The following ACACA variants were observed in gnomAD, a reference collection of about 807,000 sequenced individuals.
ACACA encodes the protein acetyl-CoA carboxylase alpha.
A neutral mutation model predicts 296.1 loss-of-function variants in ACACA; 103 were observed. The ratio of observed to expected loss-of-function variants is 0.35; its 90% CI spans 0.30 to 0.41. The LOEUF (loss-of-function observed/expected upper bound fraction) is 0.41, where lower values mean the gene tolerates loss of function less well. Ranked by LOEUF, ACACA falls within the 10% of genes least tolerant of loss-of-function variation. The pLI, the probability that ACACA is intolerant of heterozygous loss-of-function variation, is 1.00. For missense variants in ACACA, 1,554 were observed against 2,989.7 expected (o/e 0.52, Z 11.20); for synonymous variants, 953 against 1,038.6 (o/e 0.92, Z 1.58).
At chr17:37,203,850 A>C (rs1215131531) in intron 33 of ACACA, among the ~76,000 whole-genome samples, 1 of 152,238 alleles carries the variant, frequency 6.6e-6, no homozygotes, top group Non-Finnish European at 1.5e-5. Context: ...AAGGGCAAGA[A>C]GGAAGGTAAA....
intron 35 of ACACA, among the ~76,000 whole-genome samples, chr17:37,194,062 C>T (rs562411895): frequency 6.6e-6 from 1 of 152,158 alleles, no homozygotes; most frequent in Non-Finnish European, 1.5e-5. Context: ...ACCCAATTTA[C>T]TAGAACCTTA....
chr17:37,091,948 C>T (rs1197411845), intron 54 of ACACA, among the ~76,000 whole-genome samples: 2 of 152,100 alleles, frequency 1.3e-5, no homozygotes, highest in South Asian at 2.1e-4. Flanking sequence ...GAAGGATAGG[C>T]CAACCTTATT....
intron 16 of ACACA, 43 bp from the exon 17 acceptor site, chr17:37,248,717 A>G: frequency 7.3e-7 from 1 of 1,364,768 alleles, no homozygotes; most frequent in Non-Finnish European, 1.0e-6. Context: ...AAGTTCTAAC[A>G]GTTATAAGAG....
intron 11 of ACACA, among the ~76,000 whole-genome samples, chr17:37,261,633 C>T (rs1362205798): frequency 6.6e-6 from 1 of 152,168 alleles, no homozygotes; most frequent in African/African-American, 2.4e-5. Context: ...TCCCAGAAAA[C>T]AATGTCAGGT....
At position 37,154,776 on chromosome 17, in the gene ACACA, C is replaced by T. The variant is rs558133260; in HGVS notation, c.5447+907G>A. Reference sequence around the variant, plus strand: ...CCTCCCAAAGTGCTGGGATTACAGGCGTGAAACACTGCGCCCAGCCAAGCA... The same window carrying T: ...CCTCCCAAAGTGCTGGGATTACAGGTGTGAAACACTGCGCCCAGCCAAGCA... On this transcript the variant is annotated intron_variant, in intron 43 of 55. Transcript: ENST00000616317. Among the ~76,000 whole-genome samples the T allele has an allele frequency of 6.6e-5, 10 of 152,256 alleles. No individual in the cohort carries two copies. In the East Asian group the frequency reaches 9.7e-4, roughly 15 times the overall value.
chr17:37,336,157 T>C (rs532316064), intron 2 of ACACA, among the ~76,000 whole-genome samples: 1 of 152,064 alleles, frequency 6.6e-6, no homozygotes, highest in Non-Finnish European at 1.5e-5. Flanking sequence ...CCAGATGCAG[T>C]CCATGAGTAA....
intron 45 of ACACA, chr17:37,141,442 T>C (rs756502860): frequency 3.5e-6 from 1 of 288,176 alleles, no homozygotes; most frequent in Non-Finnish European, 6.8e-6. Context: ...TTTAATTATT[T>C]TGTAGAGGGG....
At chr17:37,096,802 A>G (rs140048272) in intron 54 of ACACA, among the ~76,000 whole-genome samples, 194 bp downstream of exon 54, 2 of 152,288 alleles carry the variant, frequency 1.3e-5, no homozygotes, top group Non-Finnish European at 2.9e-5. Context: ...CATATGCCCT[A>G]CCACCTCTTC....
At chr17:37,151,126 TCA>T (rs1229202432) in intron 44 of ACACA, among the ~76,000 whole-genome samples, 173 bp downstream of exon 44, 3 of 152,140 alleles carry the variant, frequency 2.0e-5, no homozygotes, top group Non-Finnish European at 4.4e-5. Context: ...TTTGAAAAAT[TCA>T]GTTATTTATA....
At chr17:37,249,489 C>T (rs1226660985) in intron 16 of ACACA, among the ~76,000 whole-genome samples, 1 of 152,056 alleles carries the variant, frequency 6.6e-6, no homozygotes, top group Non-Finnish European at 1.5e-5. Flanking sequence ...CACAAGTGTC[C>T]CAATTTCTCT....
intron 42 of ACACA, among the ~76,000 whole-genome samples, chr17:37,159,169 C>T (rs1001776165): frequency 6.6e-6 from 1 of 151,448 alleles, no homozygotes; most frequent in African/African-American, 2.4e-5. Flanking sequence ...CAGAGCTAGA[C>T]CCTGTCTCTT....
chr17:37,356,212 AGTTAATAATCT>A lies in ACACA; in HGVS notation c.39-16373_39-16363del, dbSNP rs1048796918. 8.5e-5 allele frequency among the ~76,000 whole-genome samples: 13 copies of A among 152,262 alleles called. No individual in the cohort carries two copies. In the South Asian group the frequency reaches 1.2e-3, roughly 15 times the overall value. ...ATTAAATTGAAACAAGCAAAAAACC[AGTTAATAATCT>A]GTTAATAATCTGTTAAAGTAGAAGA... On this transcript the variant is annotated intron_variant, in intron 1 of 55. Coordinates refer to ENST00000616317, the MANE Select transcript of ACACA (RefSeq NM_198834.3).
At chr17:37,118,418 T>C (rs536835291) in intron 50 of ACACA, among the ~76,000 whole-genome samples, 128 of 152,358 alleles carry the variant, frequency 8.4e-4, no homozygotes, top group African/African-American at 3.0e-3. Context: ...ATAAATATTA[T>C]GTATATTTTA....
intron 3 of ACACA, among the ~76,000 whole-genome samples, chr17:37,293,172 C>T (rs1380037575): frequency 3.3e-5 from 5 of 152,208 alleles, no homozygotes; most frequent in Admixed American, 2.0e-4. Context: ...AACTTTTCCA[C>T]GTCTTTCTCC....
At chr17:37,363,081 G>A (rs942558949) in intron 1 of ACACA, among the ~76,000 whole-genome samples, 1 of 149,812 alleles carries the variant, frequency 6.7e-6, no homozygotes, top group Non-Finnish European at 1.5e-5. Flanking sequence ...TCAACTCCTG[G>A]GCTCAAGCGA....
intron 30 of ACACA, among the ~76,000 whole-genome samples, chr17:37,208,330 T>G (rs560478984): frequency 1.3e-5 from 2 of 152,262 alleles, no homozygotes; most frequent in East Asian, 1.9e-4. Context: ...AATGGTTTAG[T>G]AAATAATTAT....
chr17:37,307,900 T>C (rs1305252624), intron 3 of ACACA, among the ~76,000 whole-genome samples: 4 of 151,780 alleles, frequency 2.6e-5, no homozygotes, highest in African/African-American at 9.7e-5. Flanking sequence ...AAGATCCTTA[T>C]AGTAGGATAT....
chr17:37,168,821 T>C (rs1022440779), intron 41 of ACACA, among the ~76,000 whole-genome samples: 2 of 152,160 alleles, frequency 1.3e-5, no homozygotes, highest in African/African-American at 4.8e-5. Context: ...TGTCTCTACC[T>C]CAGAAGTAAC....
chr17:37,098,512 TA>T (rs1420274428), intron 52 of ACACA, among the ~76,000 whole-genome samples: 3 of 152,246 alleles, frequency 2.0e-5, no homozygotes, highest in Non-Finnish European at 4.4e-5. Context: ...GAATAACTCC[TA>T]AAGTTACAAG....
Sources: gnomAD v4.1 joint callset for allele counts (sites outside exome capture counted in the v4.1 genomes callset) on GRCh38, gnomAD v4.1.1 for gene constraint, MANE v1.5 for transcripts, NCBI Gene and HGNC (gene_info 2026-07-23, HGNC 2026-07-21) for gene names.